KMT2C: variants seen among roughly 807,000 people sequenced by gnomAD.
KMT2C encodes lysine methyltransferase 2C.
A neutral mutation model predicts 507.9 loss-of-function variants in KMT2C; 88 were observed. The ratio of observed to expected loss-of-function variants is 0.17; its 90% CI spans 0.15 to 0.21. The LOEUF is 0.21. Among genes scored for constraint, KMT2C ranks in the 10% least tolerant of loss-of-function variants. The probability of loss-of-function intolerance (pLI) is 1.00; values close to 1 mark genes in which losing one functional copy is unlikely to be tolerated. For missense variants in KMT2C, 4,954 were observed against 5,957.8 expected (o/e 0.83, Z 5.55); for synonymous variants, 2,049 against 2,080.8 (o/e 0.98, Z 0.42).
intron 2 of KMT2C, among the ~76,000 whole-genome samples, chr7:152,339,918 A>G (rs2096974912): frequency 6.6e-6 from 1 of 152,208 alleles, no homozygotes; most frequent in East Asian, 1.9e-4. Context: ...CTAACTATGC[A>G]AGTAAACACT....
chr7:152,434,373 G>A (rs1253873529), intron 1 of KMT2C, among the ~76,000 whole-genome samples: 3 of 152,332 alleles, frequency 2.0e-5, no homozygotes, highest in African/African-American at 7.2e-5. Flanking sequence ...AGCGGGGCAA[G>A]AAAAGAGCAC....
intron 9 of KMT2C, among the ~76,000 whole-genome samples, chr7:152,256,203 A>C (rs2095659098): frequency 6.6e-6 from 1 of 152,136 alleles, no homozygotes; most frequent in Non-Finnish European, 1.5e-5. Context: ...TGCAAATCCT[A>C]GCAGAAAATA....
intron 1 of KMT2C, among the ~76,000 whole-genome samples, chr7:152,371,822 C>T (rs2097295716): frequency 6.6e-6 from 1 of 152,028 alleles, no homozygotes; most frequent in African/African-American, 2.4e-5. Context: ...CCATATTGGC[C>T]ATGCTGGTCT....
rs374836510 is a variant in KMT2C at position 152,222,649 on chromosome 7, A to G, written c.3357T>C (p.Thr1119=). ...CTGCTACATTTTCCACTTCTTCCTC[A>G]GTATTTAAGTTCTGACAAACTGCAT... is the stretch of plus-strand genomic sequence containing the variant. ...WMHAVCQNLN[T]EEEVENVADI... The change falls in exon 21 of 59, where the codon ACT becomes ACC. Residue 1119 remains threonine, a synonymous_variant. Transcript: ENST00000262189. 8.1e-6 allele frequency: 13 copies of G among 1,609,802 alleles called. No individual in the cohort carries two copies. The highest frequency in any genetic ancestry group is 1.1e-5 in the Non-Finnish European group (13 of 1,178,090).
chr7:152,310,032 T>G lies in KMT2C; in HGVS notation c.783A>C (p.Gly261=). Reference sequence around the variant, plus strand: ...ACAATGGTTCTTCCATCTGGCATACTCCTAGTGACCACTCCACACAACGGT... The same window carrying G: ...ACAATGGTTCTTCCATCTGGCATACGCCTAGTGACCACTCCACACAACGGT... ...AHHRCVEWSL[G]VCQMEEPLLV... The change falls in exon 6 of 59, where the codon GGA becomes GGC. Residue 261 remains glycine, a synonymous_variant. Coordinates refer to ENST00000262189, the MANE Select transcript of KMT2C (RefSeq NM_170606.3). 1 of 1,613,924 alleles carries G rather than the reference T, an allele frequency of 6.2e-7. No homozygotes were observed. Among genetic ancestry groups the G allele is most frequent in the Non-Finnish European group, 8.5e-7 (1 of 1,179,882 alleles).
chr7:152,254,280 G>T (rs904358953), intron 9 of KMT2C, among the ~76,000 whole-genome samples: 2 of 151,882 alleles, frequency 1.3e-5, no homozygotes, highest in African/African-American at 4.8e-5. Context: ...TTTTTTAAAA[G>T]AATGTATTAT....
chr7:152,376,380 G>A (rs2097328870), intron 1 of KMT2C, among the ~76,000 whole-genome samples: 1 of 152,146 alleles, frequency 6.6e-6, no homozygotes, highest in Non-Finnish European at 1.5e-5. Flanking sequence ...ATCTTAGTGG[G>A]GAAGGCATAT....
In KMT2C at chr7:152,152,831, G is replaced by T. The variant is rs2129097597; in HGVS notation, c.12400C>A (p.Pro4134Thr). 1 of 1,614,170 alleles carries T rather than the reference G, an allele frequency of 6.2e-7. No homozygotes were observed. Among genetic ancestry groups the T allele is most frequent in the Non-Finnish European group, 8.5e-7 (1 of 1,180,028 alleles). Residue 4134 changes from proline (P) to threonine (T), a missense_variant, in exon 49 of 59, where the codon CCG becomes ACG. Coordinates refer to ENST00000262189, the MANE Select transcript of KMT2C (RefSeq NM_170606.3). ...AAATGCTGTCGATACTCCAAACCCG[G>T]GTTGATTCTGTGGCTACTGACCAAA... ...MGLVSSHRIN[P>T]GLEYRQHLLL...
chr7:152,347,331 T>G (rs1164737250), intron 2 of KMT2C, among the ~76,000 whole-genome samples: 2 of 152,178 alleles, frequency 1.3e-5, no homozygotes, highest in Non-Finnish European at 2.9e-5. Flanking sequence ...AGGGAGCACT[T>G]TAAGCATCAT....
Position 152,177,050 on chromosome 7 carries a change from G to C in KMT2C, c.8403C>G (p.Asn2801Lys), listed in dbSNP as rs1327156745. Residue 2801 changes from asparagine to lysine, a missense_variant, in exon 38 of 59, where the codon AAC becomes AAG. Transcript: ENST00000262189. ...GTTTATCAGAGAGAACCAGAGTTTTGTTTTCTTGTTCCTTTTTTTTTGGTT... is the reference window on the plus strand; with the variant it reads ...GTTTATCAGAGAGAACCAGAGTTTTCTTTTCTTGTTCCTTTTTTTTTGGTT... ...SVEPKKKEQENKTLVLSDKHS... is the reference protein window; with the variant it reads ...SVEPKKKEQEKKTLVLSDKHS... 6.2e-7 allele frequency: 1 copy of C among 1,610,964 alleles called. No homozygotes were observed. Among genetic ancestry groups the C allele is most frequent in the Non-Finnish European group, 8.5e-7 (1 of 1,179,072 alleles).
rs760654938 is a variant in KMT2C at position 152,330,676 on chromosome 7, A to T, written c.314T>A (p.Ile105Asn). The change falls in exon 3 of 59, where the codon ATT becomes AAT. Residue 105 changes from isoleucine (I) to asparagine (N), a missense_variant. By Grantham distance (149) the Ile-to-Asn change is moderately radical. Around this residue, in one of 29 missense-constraint regions of KMT2C, gnomAD observed 233 missense variants for 263.6 expected, o/e 0.88. Transcript: ENST00000262189. The stretch of plus-strand genomic sequence containing the variant: ...AGACACAGATCGCTGAAGAGTTGGA[A>T]TTAGCTGTTTGCTGTTATCCACTTC... ...EAEVDNSKQL[I>N]PTLQRSVSEE... The T allele has an allele frequency of 6.2e-7, 1 of 1,614,074 alleles. No homozygotes were observed. The highest frequency in any genetic ancestry group is 1.1e-5 in the South Asian group (1 of 91,074).
intron 1 of KMT2C, among the ~76,000 whole-genome samples, chr7:152,388,104 A>T (rs1333411570): frequency 3.3e-5 from 5 of 149,778 alleles, no homozygotes; most frequent in Admixed American, 6.6e-5. Flanking sequence ...TTCAAAAAAA[A>T]AAAATAAATA....
intron 1 of KMT2C, among the ~76,000 whole-genome samples, chr7:152,375,095 T>G (rs1463500053): frequency 6.6e-6 from 1 of 152,240 alleles, no homozygotes; most frequent in Non-Finnish European, 1.5e-5. Context: ...CAAACTGGAC[T>G]GCAGTGGCAC....
At chr7:152,301,065 GA>G (rs1414154002) in intron 6 of KMT2C, among the ~76,000 whole-genome samples, 3 of 150,142 alleles carry the variant, frequency 2.0e-5, no homozygotes, top group Admixed American at 1.3e-4. Context: ...TCAAAAAAAA[GA>G]AAAAAACTAT....
intron 6 of KMT2C, among the ~76,000 whole-genome samples, chr7:152,304,306 G>A (rs1401026711): frequency 1.3e-5 from 2 of 152,058 alleles, no homozygotes; most frequent in Non-Finnish European, 1.5e-5. Context: ...AATCTCAACC[G>A]AAATTATCAA....
intron 1 of KMT2C, among the ~76,000 whole-genome samples, chr7:152,380,868 A>G (rs2097367982): frequency 6.6e-6 from 1 of 152,198 alleles, no homozygotes; most frequent in Non-Finnish European, 1.5e-5. Context: ...CATGTTCAAA[A>G]GGGAACAAAT....
intron 16 of KMT2C, among the ~76,000 whole-genome samples, chr7:152,233,954 G>GC (rs2129153984): frequency 6.6e-6 from 1 of 152,144 alleles, no homozygotes; most frequent in East Asian, 1.9e-4. Context: ...GGCCAACATG[G>GC]CAAAACCCCA....
intron 1 of KMT2C, among the ~76,000 whole-genome samples, chr7:152,369,120 C>T (rs2097271688): frequency 6.6e-6 from 1 of 151,866 alleles, no homozygotes; most frequent in Non-Finnish European, 1.5e-5. Context: ...GTCAGGAGTT[C>T]GAGACCAGCC....
chr7:152,180,717 C>T lies in KMT2C; in HGVS notation c.7143G>A (p.Leu2381=), dbSNP rs2129119024. 1.9e-6 allele frequency: 3 copies of T among 1,608,142 alleles called. No homozygotes were observed. Among genetic ancestry groups the T allele is most frequent in the Non-Finnish European group, 2.5e-6 (3 of 1,176,652 alleles). ...GAACATACAATGTGTTTACCTGTCTCAATTTCTCTGTATCTGCTTGGGCCA... is the reference window on the plus strand; with the variant it reads ...GAACATACAATGTGTTTACCTGTCTTAATTTCTCTGTATCTGCTTGGGCCA... ...VNMAQADTEK[L]RQRQKLREII... The change falls in exon 36 of 59, where the codon TTG becomes TTA. Residue 2381 remains leucine (L), a synonymous_variant. Coordinates refer to ENST00000262189, the MANE Select transcript of KMT2C (RefSeq NM_170606.3).
Sources: gnomAD v4.1 joint callset for allele counts (sites outside exome capture counted in the v4.1 genomes callset) on GRCh38, gnomAD v4.1.1 for gene constraint, gnomAD v4.1.1 regional missense constraint, MANE v1.5 for transcripts, NCBI Gene and HGNC (gene_info 2026-07-23, HGNC 2026-07-21) for gene names.